The following WDR36 variants were observed in gnomAD, a reference collection of about 807,000 sequenced individuals.
WDR36 encodes the protein WD repeat-containing protein 36.
Under a neutral mutation model 112.7 loss-of-function variants are expected in WDR36, and 63 were observed. The observed-to-expected ratio is 0.56, with a 90% CI of 0.46 to 0.69. The LOEUF (loss-of-function observed/expected upper bound fraction) is 0.69, where lower values mean the gene tolerates loss of function less well. Among genes scored for constraint, WDR36 ranks in the 30% least tolerant of loss-of-function variants. The pLI is 0.00. For synonymous variants in WDR36, 410 were observed against 362.2 expected (o/e 1.13, Z -1.50); for missense variants, 1,226 against 1,070.3 (o/e 1.15, Z -2.03).
chr5:111,123,108 C>CA (rs1392986949), intron 19 of WDR36, among the ~76,000 whole-genome samples: 1,567 of 144,438 alleles, frequency 0.011, 23 homozygotes, highest in African/African-American at 0.037. Flanking sequence ...AATTCCATCT[C>CA]AAAAAAAAAA....
chr5:111,111,695 C>CTA (rs1256974794), intron 15 of WDR36: 1 of 182,824 alleles, frequency 5.5e-6, no homozygotes. Flanking sequence ...AGTGCTATTT[C>CTA]TAGAGTTTAC....
intron 19 of WDR36, among the ~76,000 whole-genome samples, chr5:111,123,114 A>C (rs13359107): frequency 0.13 from 20,317 of 152,134 alleles, 1,443 homozygotes; most frequent in South Asian, 0.28. Context: ...ATCTCAAAAA[A>C]AAAAATGTTC....
Position 111,129,982 on chromosome 5 carries a change from A to G in WDR36, c.*3099A>G, listed in dbSNP as rs1580408776. 4.7e-6 allele frequency: 1 copy of G among 211,190 alleles called. No homozygotes were observed. Among genetic ancestry groups the G allele is most frequent in the African/African-American group, 2.3e-5 (1 of 44,130 alleles). 13.1% of individuals were successfully genotyped at this position (211,190 alleles called of 1,614,324 possible). Reference sequence around the variant, plus strand: ...GAAATGCTGTTTCATTATGTGTTAAATTCTTTCACTGAGCTCTTCCATATT... The same window carrying G: ...GAAATGCTGTTTCATTATGTGTTAAGTTCTTTCACTGAGCTCTTCCATATT... On this transcript the variant is annotated 3_prime_UTR_variant, in exon 23 of 23. Coordinates refer to ENST00000513710, the MANE Select transcript of WDR36 (RefSeq NM_139281.3).
intron 10 of WDR36, 84 bp downstream of exon 10, chr5:111,105,444 A>G (rs571847774): frequency 1.2e-5 from 16 of 1,283,526 alleles, no homozygotes; most frequent in African/African-American, 8.9e-5. Context: ...AGTTTCATCA[A>G]TGCATTTTAT....
rs768394533 is a variant in WDR36 at position 111,124,164 on chromosome 5, T to G, written c.2325T>G (p.Leu775=). ...AAAAATCAGATTTCTGCTTGAAACT[T>G]GAAGAAGGACTGGTAAATAATAAGT... ...LAQKSDFCLK[L]EEGLVNNKYD... The change falls in exon 21 of 23, where the codon CTT becomes CTG. Residue 775 remains leucine, a synonymous_variant. Coordinates refer to ENST00000513710, the MANE Select transcript of WDR36 (RefSeq NM_139281.3). 9 of 1,612,620 alleles carry G rather than the reference T, an allele frequency of 5.6e-6. No homozygotes were observed. In the South Asian group the frequency reaches 8.8e-5, roughly 16 times the overall value.
intron 1 of WDR36, 62 bp downstream of exon 1, chr5:111,092,680 C>G (rs1752891759): frequency 6.5e-7 from 1 of 1,538,296 alleles, no homozygotes; most frequent in South Asian, 1.2e-5. Context: ...TAACTCTGTC[C>G]TGGAGCAGTC....
chr5:111,103,237 G>A (rs148246010), intron 6 of WDR36, among the ~76,000 whole-genome samples: 129 of 151,864 alleles, frequency 8.5e-4, no homozygotes, highest in Non-Finnish European at 1.5e-3. Context: ...AATAGAGCCT[G>A]TATGTAAGAC....
intron 12 of WDR36, among the ~76,000 whole-genome samples, chr5:111,109,752 G>T (rs1192996432): frequency 6.6e-6 from 1 of 150,900 alleles, no homozygotes; most frequent in Non-Finnish European, 1.5e-5. Flanking sequence ...AATATTTTGG[G>T]CTTTTGCTTG....
Position 111,128,841 on chromosome 5 carries a change from A to T in WDR36, c.*1958A>T, listed in dbSNP as rs747255737. On this transcript the variant is annotated 3_prime_UTR_variant, in exon 23 of 23. Coordinates refer to ENST00000513710, the MANE Select transcript of WDR36 (RefSeq NM_139281.3). ...CACTCTTTCAGTTTTTTAATTACTCATGTAATATATGACTACATTTTGCTT... is the reference window on the plus strand; with the variant it reads ...CACTCTTTCAGTTTTTTAATTACTCTTGTAATATATGACTACATTTTGCTT... 49 of 186,352 alleles carry T rather than the reference A, an allele frequency of 2.6e-4. No individual in the cohort carries two copies. Among genetic ancestry groups the T allele is most frequent in the Non-Finnish European group, 5.0e-4 (44 of 88,166 alleles). 11.5% of individuals were successfully genotyped at this position (186,352 alleles called of 1,614,324 possible). A position where few individuals can be genotyped will look rare whatever the true frequency, so the allele number is the denominator to read the frequency against.
chr5:111,104,470 T>TA (rs1753184697), intron 8 of WDR36, 118 bp downstream of exon 8: 1 of 1,464,708 alleles, frequency 6.8e-7, no homozygotes, highest in African/African-American at 1.4e-5. Flanking sequence ...TGGAATGAGA[T>TA]ATTGGTATAG....
chr5:111,113,051 TA>T (rs200260406), intron 15 of WDR36, 22 bp from the exon 16 acceptor site: 247 of 436,330 alleles, frequency 5.7e-4, no homozygotes, highest in East Asian at 1.7e-3. Context: ...TATATATATA[TA>T]TTTTTTTTTT....
chr5:111,115,643 A>G (rs1753440399), intron 16 of WDR36, among the ~76,000 whole-genome samples: 1 of 152,220 alleles, frequency 6.6e-6, no homozygotes, highest in African/African-American at 2.4e-5. Context: ...TTTCAATTAA[A>G]TAATTTGAAT....
intron 16 of WDR36, among the ~76,000 whole-genome samples, chr5:111,118,103 G>A (rs1282323926): frequency 6.6e-6 from 1 of 152,138 alleles, no homozygotes; most frequent in African/African-American, 2.4e-5. Context: ...AGTGGTTAAT[G>A]ACTTTCCATC....
chr5:111,111,033 A>T, intron 14 of WDR36, 80 bp downstream of exon 14: 1 of 1,579,714 alleles, frequency 6.3e-7, no homozygotes, highest in Non-Finnish European at 8.7e-7. Context: ...AAGTGGGAAA[A>T]ATCAGACTCT....
At chr5:111,108,980 G>A (rs546015614) in intron 12 of WDR36, among the ~76,000 whole-genome samples, 1 of 151,244 alleles carries the variant, frequency 6.6e-6, no homozygotes, top group Non-Finnish European at 1.5e-5. Context: ...CGTATAGAGA[G>A]CCTGTGCACT....
chr5:111,109,843 G>C (rs187054759), intron 12 of WDR36, among the ~76,000 whole-genome samples: 92 of 151,354 alleles, frequency 6.1e-4, no homozygotes, highest in African/African-American at 2.2e-3. Flanking sequence ...AAGAAATTAG[G>C]CGATGGAATG....
intron 2 of WDR36, 40 bp downstream of exon 2, chr5:111,094,987 CT>C (rs754907271): frequency 1.2e-4 from 187 of 1,564,068 alleles, no homozygotes; most frequent in Middle Eastern, 5.1e-4. Context: ...CACATCTAAA[CT>C]TTTTTTTTAT....
intron 17 of WDR36, 87 bp from the exon 18 acceptor site, chr5:111,120,409 C>T (rs900578893): frequency 9.5e-7 from 1 of 1,057,778 alleles, no homozygotes; most frequent in African/African-American, 1.6e-5. Context: ...TAATAAAAGT[C>T]TGTAGTCAAA....
In WDR36 at chr5:111,101,092, C is replaced by T. The variant is rs374635248; in HGVS notation, c.542+371C>T. 4.6e-5 allele frequency among the ~76,000 whole-genome samples: 7 copies of T among 152,000 alleles called. 1 individual carries two copies. Among genetic ancestry groups the T allele is most frequent in the East Asian group, 1.9e-4 (1 of 5,166 alleles). Reference sequence around the variant, plus strand: ...CATTTTATGTAAGGGACTTGAGCATCTGTGAATTTTGGTATCAGCAGAGAA... The same window carrying T: ...CATTTTATGTAAGGGACTTGAGCATTTGTGAATTTTGGTATCAGCAGAGAA... On this transcript the variant is annotated intron_variant, in intron 5 of 22. Transcript: ENST00000513710.
Sources: gnomAD v4.1 joint callset for allele counts (sites outside exome capture counted in the v4.1 genomes callset) on GRCh38, gnomAD v4.1.1 for gene constraint, MANE v1.5 for transcripts, NCBI Gene and HGNC (gene_info 2026-07-23, HGNC 2026-07-21) for gene names.